Variants in OSBPL3 observed in about 807,000 individuals in gnomAD.
OSBPL3 encodes the protein oxysterol binding protein like 3.
A neutral mutation model predicts 120.1 loss-of-function variants in OSBPL3; 65 were observed. That is an observed-to-expected ratio of 0.54 (90% CI 0.44 to 0.67). The LOEUF (loss-of-function observed/expected upper bound fraction) is 0.67, where lower values mean the gene tolerates loss of function less well. Among genes scored for constraint, OSBPL3 ranks in the 30% least tolerant of loss-of-function variants. The pLI is 0.00. For missense variants in OSBPL3, 1,004 were observed against 1,082.1 expected (o/e 0.93, Z 1.01); for synonymous variants, 416 against 402.6 (o/e 1.03, Z -0.40).
rs1310447685 is a variant in OSBPL3 at position 24,802,734 on chromosome 7, TTTC to T, written c.2567+1578_2567+1580del. 6.6e-6 allele frequency among the ~76,000 whole-genome samples: 1 copy of T among 152,236 alleles called. No homozygotes were observed. The highest frequency in any genetic ancestry group is 1.9e-4 in the East Asian group (1 of 5,202). Reference sequence around the variant, plus strand: ...ATGAACATCTTCATAATTGTACATTTTTCTTTTTTTAAAAAATGAAAATAGACA... The same window carrying T: ...ATGAACATCTTCATAATTGTACATTTTTTTTTTAAAAAATGAAAATAGACA... On this transcript the variant is annotated intron_variant, in intron 22 of 22. Coordinates refer to ENST00000313367, the MANE Select transcript of OSBPL3 (RefSeq NM_015550.4). This position sits in a 1 kb window ranked among gnomAD's most constrained non-coding sequence, Gnocchi z 4.1.
At position 24,796,914 on chromosome 7, in the gene OSBPL3, C is replaced by G. The variant is rs1728650460; in HGVS notation, c.*3269G>C. 6.6e-6 allele frequency: 1 copy of G among 152,182 alleles called. No individual in the cohort carries two copies. Among genetic ancestry groups the G allele is most frequent in the Non-Finnish European group, 1.5e-5 (1 of 68,030 alleles). 9.4% of individuals were successfully genotyped at this position (152,182 alleles called of 1,614,324 possible). A position where few individuals can be genotyped will look rare whatever the true frequency, so the allele number is the denominator to read the frequency against. On this transcript the variant is annotated 3_prime_UTR_variant, in exon 23 of 23. Transcript: ENST00000313367. The surrounding 1 kb of genome is among the most constrained non-coding windows in gnomAD (Gnocchi z 5.2). ...AAATAGAGCAAATGAAAATAGCTAT[C>G]ATCTGGTAGCAAAAATAGATTTATG... is the stretch of plus-strand genomic sequence containing the variant.
chr7:24,870,915 C>G (rs1802018780), intron 4 of OSBPL3, 70 bp from the exon 5 acceptor site: 1 of 905,772 alleles, frequency 1.1e-6, no homozygotes, highest in East Asian at 2.4e-5. Context: ...CCTGACACAC[C>G]CTTCCACATC....
At position 24,946,562 on chromosome 7, in the gene OSBPL3, A is replaced by T. The variant is rs1290130433; in HGVS notation, c.-150+33324T>A. On this transcript the variant is annotated intron_variant, in intron 1 of 22. Coordinates refer to ENST00000313367, the MANE Select transcript of OSBPL3 (RefSeq NM_015550.4). The surrounding 1 kb of genome is among the most constrained non-coding windows in gnomAD (Gnocchi z 4.3). ...CATTATCTGTTATTTTGCTCAGTAC[A>T]AGTATCTTGTTTTGTTGAATACGCT... Among the ~76,000 whole-genome samples, 1 of 152,176 alleles carries T rather than the reference A, an allele frequency of 6.6e-6. No homozygotes were observed. Among genetic ancestry groups the T allele is most frequent in the African/African-American group, 2.4e-5 (1 of 41,434 alleles).
chr7:24,942,820 A>G (rs904129994), intron 1 of OSBPL3, among the ~76,000 whole-genome samples: 3 of 152,246 alleles, frequency 2.0e-5, no homozygotes, highest in Non-Finnish European at 4.4e-5. Context: ...GATAACGATC[A>G]TGAATAGCCT....
In OSBPL3 at chr7:24,841,717, A is replaced by AAAAAAAAAAAAAAAAAAAAAAAAAAAG. The variant is rs70942886; in HGVS notation, c.1401+561_1401+562insCTTTTTTTTTTTTTTTTTTTTTTTTTT. Among the ~76,000 whole-genome samples the AAAAAAAAAAAAAAAAAAAAAAAAAAAG allele has an allele frequency of 4.8e-5, 4 of 82,792 alleles. 1 individual carries two copies. Among genetic ancestry groups the AAAAAAAAAAAAAAAAAAAAAAAAAAAG allele is most frequent in the Non-Finnish European group, 9.1e-5 (4 of 44,186 alleles). The allele number at this position is 82,792 out of a possible 152,430, so 54.3% of individuals were successfully genotyped here. A position where few individuals can be genotyped will look rare whatever the true frequency, so the allele number is the denominator to read the frequency against. On this transcript the variant is annotated intron_variant, in intron 13 of 22. Transcript: ENST00000313367. ...CTCAAAAAAAAAAAAAAAAAAAAAA[A>AAAAAAAAAAAAAAAAAAAAAAAAAAAG]AAAAGAGGCCAGGCACAGTGGCTCA...
rs775214065 is a variant in OSBPL3, at chr7:24,834,513, C to A, written c.1719G>T (p.Ala573=). 6.2e-7 allele frequency: 1 copy of A among 1,612,926 alleles called. No homozygotes were observed. Among genetic ancestry groups the A allele is most frequent in the Non-Finnish European group, 8.5e-7 (1 of 1,179,334 alleles). Residue 573 remains alanine (A), a synonymous_variant, in exon 15 of 23, where the codon GCG becomes GCT. Transcript: ENST00000313367. This position sits in a 1 kb window ranked among gnomAD's most constrained non-coding sequence, Gnocchi z 5.2. ...LEYSELLDKA[A]QIPSPLERMV... Reference sequence around the variant, plus strand: ...TCCTTTCCAGGGGGCTGGGAATCTGCGCGGCCTTGTCCAGGAGCTCGCTGT... The same window carrying A: ...TCCTTTCCAGGGGGCTGGGAATCTGAGCGGCCTTGTCCAGGAGCTCGCTGT...
In OSBPL3 at chr7:24,940,905, T is replaced by C. The variant is rs938662327; in HGVS notation, c.-150+38981A>G. On this transcript the variant is annotated intron_variant, in intron 1 of 22. Transcript: ENST00000313367. The surrounding 1 kb of genome is among the most constrained non-coding windows in gnomAD (Gnocchi z 4.4). ...CGCGATCTCGGCTCACTGCAAGCTC[T>C]GCCTCCCGGGTTCAAGCCATTCTCC... Among the ~76,000 whole-genome samples the C allele has an allele frequency of 1.7e-4, 26 of 151,918 alleles. No individual in the cohort carries two copies. The highest frequency in any genetic ancestry group is 4.6e-4 in the African/African-American group (19 of 41,446).
chr7:24,834,493 T>TCCAGGGGGCTGGGA lies in OSBPL3; in HGVS notation c.1725_1738dup (p.Glu580ValfsTer77). The TCCAGGGGGCTGGGA allele has an allele frequency of 6.2e-7, 1 of 1,609,882 alleles. No individual in the cohort carries two copies. The highest frequency in any genetic ancestry group is 1.1e-5 in the South Asian group (1 of 90,446). On this transcript the variant is annotated frameshift_variant, in exon 15 of 23. Coordinates refer to ENST00000313367, the MANE Select transcript of OSBPL3 (RefSeq NM_015550.4). LOFTEE classifies it high-confidence loss of function. This position sits in a 1 kb window ranked among gnomAD's most constrained non-coding sequence, Gnocchi z 5.2. Reference sequence around the variant, plus strand: ...GGAAGGCTGACTCCTCACCATCCTTTCCAGGGGGCTGGGAATCTGCGCGGC... The same window carrying TCCAGGGGGCTGGGA: ...GGAAGGCTGACTCCTCACCATCCTTTCCAGGGGGCTGGGACCAGGGGGCTGGGAATCTGCGCGGC...
chr7:24,893,758 G>A (rs113978970), intron 1 of OSBPL3, among the ~76,000 whole-genome samples: 27 of 145,608 alleles, frequency 1.9e-4, no homozygotes, highest in East Asian at 1.2e-3. Flanking sequence ...CGGGGGGGAC[G>A]GGGGGGTGGA....
chr7:24,882,512 G>T (rs1295013484), intron 2 of OSBPL3, among the ~76,000 whole-genome samples: 1 of 152,142 alleles, frequency 6.6e-6, no homozygotes, highest in Non-Finnish European at 1.5e-5. Flanking sequence ...GTGGAAACAG[G>T]TTAATTTTAT....
intron 9 of OSBPL3, 39 bp from the exon 10 acceptor site, chr7:24,861,808 C>G: frequency 7.0e-7 from 1 of 1,419,688 alleles, no homozygotes; most frequent in Non-Finnish European, 9.6e-7. Flanking sequence ...TTTTCAGATG[C>G]AGATTGCTTA....
chr7:24,850,406 C>T (rs1482028784), intron 11 of OSBPL3, among the ~76,000 whole-genome samples: 1 of 152,212 alleles, frequency 6.6e-6, no homozygotes, highest in Non-Finnish European at 1.5e-5. Context: ...TGCTCGCATG[C>T]AGATTCAGCC....
At position 24,965,302 on chromosome 7, in the gene OSBPL3, A is replaced by AT. The variant is rs1816244930; in HGVS notation, c.-150+14583dup. Among the ~76,000 whole-genome samples, 1 of 152,150 alleles carries AT rather than the reference A, an allele frequency of 6.6e-6. No homozygotes were observed. The highest frequency in any genetic ancestry group is 2.4e-5 in the African/African-American group (1 of 41,402). On this transcript the variant is annotated intron_variant, in intron 1 of 22. Coordinates refer to ENST00000313367, the MANE Select transcript of OSBPL3 (RefSeq NM_015550.4). This position sits in a 1 kb window ranked among gnomAD's most constrained non-coding sequence, Gnocchi z 4.3. Reference sequence around the variant, plus strand: ...TCTAGATATAAGTATGAGCTCAACTATTTTTGCCCCTAGGGTAAGTCAGTC... The same window carrying AT: ...TCTAGATATAAGTATGAGCTCAACTATTTTTTGCCCCTAGGGTAAGTCAGTC...
At chr7:24,868,389 T>C (rs2128275661) in intron 5 of OSBPL3, among the ~76,000 whole-genome samples, 1 of 148,562 alleles carries the variant, frequency 6.7e-6, no homozygotes, top group South Asian at 2.1e-4. Flanking sequence ...GATGGTGTAT[T>C]GATATTTTCA....
upstream of OSBPL3, chr7:24,980,301 CT>C (rs1341724719): frequency 6.6e-6 from 1 of 152,170 alleles, no homozygotes; most frequent in East Asian, 1.9e-4. Context: ...GATGCACAAT[CT>C]CACCAATCAG....
In OSBPL3 at chr7:24,803,091, G is replaced by A. The variant is rs1792576042; in HGVS notation, c.2567+1224C>T. Among the ~76,000 whole-genome samples the A allele has an allele frequency of 6.6e-6, 1 of 152,096 alleles. No individual in the cohort carries two copies. The highest frequency in any genetic ancestry group is 1.5e-5 in the Non-Finnish European group (1 of 68,016). On this transcript the variant is annotated intron_variant, in intron 22 of 22. Coordinates refer to ENST00000313367, the MANE Select transcript of OSBPL3 (RefSeq NM_015550.4). This position sits in a 1 kb window ranked among gnomAD's most constrained non-coding sequence, Gnocchi z 4.2. Reference sequence around the variant, plus strand: ...AAACCTTATTTGTCACTATTTTGATGTTTTGGAATACAGATTTTATTACTG... The same window carrying A: ...AAACCTTATTTGTCACTATTTTGATATTTTGGAATACAGATTTTATTACTG...
chr7:24,886,016 C>G (rs1804477970), intron 2 of OSBPL3, among the ~76,000 whole-genome samples: 1 of 152,174 alleles, frequency 6.6e-6, no homozygotes, highest in African/African-American at 2.4e-5. Flanking sequence ...GCAATTCTCC[C>G]TCCCACTTAG....
Position 24,804,176 on chromosome 7 carries a change from G to C in OSBPL3, c.2567+139C>G. 1 of 965,744 alleles carries C rather than the reference G, an allele frequency of 1.0e-6. No individual in the cohort carries two copies. The highest frequency in any genetic ancestry group is 1.6e-6 in the Non-Finnish European group (1 of 629,726). 59.8% of individuals were successfully genotyped at this position (965,744 alleles called of 1,614,324 possible). A position where few individuals can be genotyped will look rare whatever the true frequency, so the allele number is the denominator to read the frequency against. On this transcript the variant is annotated intron_variant, in intron 22 of 22. Transcript: ENST00000313367. The surrounding 1 kb of genome is among the most constrained non-coding windows in gnomAD (Gnocchi z 5.4). Reference sequence around the variant, plus strand: ...GGGGGACAGGGCCTGGCACAGAGGAGCAGTACCCCCACGTGGAAGCAGGAA... The same window carrying C: ...GGGGGACAGGGCCTGGCACAGAGGACCAGTACCCCCACGTGGAAGCAGGAA...
In OSBPL3 at chr7:24,820,143, T is replaced by C. The variant is rs755851426; in HGVS notation, c.1948+32A>G. The C allele has an allele frequency of 2.8e-6, 4 of 1,403,768 alleles. No individual in the cohort carries two copies. The highest frequency in any genetic ancestry group is 1.8e-4 in the Middle Eastern group (1 of 5,646). 87.0% of individuals were successfully genotyped at this position (1,403,768 alleles called of 1,614,324 possible). ...AATAAATAGATAACATATTACACAATATGATGGAAGTAAAATGTATTAGCA... is the reference window on the plus strand; with the variant it reads ...AATAAATAGATAACATATTACACAACATGATGGAAGTAAAATGTATTAGCA... On this transcript the variant is annotated intron_variant, in intron 17 of 22. Transcript: ENST00000313367. The surrounding 1 kb of genome is among the most constrained non-coding windows in gnomAD (Gnocchi z 4.6).
Sources: allele counts gnomAD v4.1 joint callset (sites outside exome capture counted in the v4.1 genomes callset), GRCh38; gene constraint gnomAD v4.1.1; non-coding constraint Gnocchi (gnomAD v3.1); transcripts MANE v1.5; gene names NCBI Gene and HGNC (gene_info 2026-07-23, HGNC 2026-07-21).